Variants in TTC33 observed in about 807,000 individuals in gnomAD.
TTC33 encodes tetratricopeptide repeat domain 33.
TTC33 carries 24 observed loss-of-function variants against 29.4 expected under a neutral mutation model. The observed-to-expected ratio is 0.82, with a 90% confidence interval of 0.59 to 1.15. TTC33 has a LOEUF of 1.15. TTC33 is among the 50% of genes most tolerant of loss of function. TTC33 has a pLI of 0.00. For missense variants in TTC33, 286 were observed against 310.4 expected (o/e 0.92, Z 0.59); for synonymous variants, 107 against 100.3 (o/e 1.07, Z -0.40).
chr5:40,722,835 C>G (rs987240302), intron 4 of TTC33, among the ~76,000 whole-genome samples: 2 of 151,382 alleles, frequency 1.3e-5, no homozygotes, highest in African/African-American at 4.8e-5. Context: ...AGCCCCCACC[C>G]GGCCAGCTGC....
intron 1 of TTC33, among the ~76,000 whole-genome samples, chr5:40,747,336 G>A (rs1241264503): frequency 1.3e-5 from 2 of 152,136 alleles, no homozygotes. Context: ...GGGATTACAA[G>A]CATGAGCCAC....
intron 2 of TTC33, among the ~76,000 whole-genome samples, chr5:40,737,398 C>A (rs987316274): frequency 1.3e-5 from 2 of 151,944 alleles, no homozygotes; most frequent in South Asian, 4.2e-4. Context: ...AACCAAGACC[C>A]GAAAATACAT....
chr5:40,743,263 G>A (rs1196664329), intron 2 of TTC33, among the ~76,000 whole-genome samples: 3 of 152,164 alleles, frequency 2.0e-5, no homozygotes, highest in African/African-American at 7.2e-5. Flanking sequence ...ACAGGCAGCA[G>A]AAAACCAGAG....
At position 40,720,081 on chromosome 5, in the gene TTC33, G is replaced by C. The variant is rs114702027; in HGVS notation, c.436-3583C>G. ...TCTACTTTTTTCTTTTGTTGTTTGT[G>C]CTTCCAATGTCATATCTAAAAAATA... On this transcript the variant is annotated intron_variant, in intron 4 of 4. Transcript: ENST00000337702. 3.3e-3 allele frequency among the ~76,000 whole-genome samples: 507 copies of C among 152,164 alleles called. 5 individuals carry two copies. Among genetic ancestry groups the C allele is most frequent in the African/African-American group, 0.012 (488 of 41,494 alleles).
chr5:40,733,428 G>A (rs1742479938), intron 2 of TTC33, among the ~76,000 whole-genome samples: 1 of 152,112 alleles, frequency 6.6e-6, no homozygotes, highest in Non-Finnish European at 1.5e-5. Context: ...GCATTGCTGT[G>A]TCCCAGTAAA....
At chr5:40,728,509 G>A in intron 3 of TTC33, 33 bp from the exon 4 acceptor site, 1 of 1,555,506 alleles carries the variant, frequency 6.4e-7, no homozygotes, top group South Asian at 1.2e-5. Flanking sequence ...AAATCTGTCA[G>A]TAATATTCAT....
chr5:40,734,538 G>A (rs1232543676), intron 2 of TTC33, among the ~76,000 whole-genome samples: 1 of 152,194 alleles, frequency 6.6e-6, no homozygotes, highest in Non-Finnish European at 1.5e-5. Flanking sequence ...GCCCTATACT[G>A]AGGTAAAGAA....
Position 40,746,877 on chromosome 5 carries a change from T to C in TTC33, c.142A>G (p.Lys48Glu), listed in dbSNP as rs779665277. Residue 48 changes from lysine to glutamate, a missense_variant, in exon 2 of 5, where the codon AAA (lysine) becomes GAA (glutamate). Coordinates refer to ENST00000337702, the MANE Select transcript of TTC33 (RefSeq NM_012382.3). ...GNWLHAIKRR[K>E]EILLEGCAEK... ...GCACAGCCTTCAAGAAGAATTTCTT[T>C]CCTACGTTTAATGGCATGAAGCCAG... 6.2e-7 allele frequency: 1 copy of C among 1,614,184 alleles called. No homozygotes were observed. Among genetic ancestry groups the C allele is most frequent in the Non-Finnish European group, 8.5e-7 (1 of 1,180,036 alleles).
intron 4 of TTC33, among the ~76,000 whole-genome samples, chr5:40,726,579 G>C (rs1742293623): frequency 6.8e-6 from 1 of 146,664 alleles, no homozygotes; most frequent in African/African-American, 2.5e-5. Context: ...ATTCTTCTAA[G>C]AATTTCACAG....
chr5:40,740,939 T>A (rs577287026), intron 2 of TTC33, among the ~76,000 whole-genome samples: 1 of 152,360 alleles, frequency 6.6e-6, no homozygotes, highest in East Asian at 1.9e-4. Flanking sequence ...TTCCTTTTTT[T>A]AATATATCTT....
At chr5:40,753,090 C>T (rs745397633) in intron 1 of TTC33, among the ~76,000 whole-genome samples, 12 of 151,990 alleles carry the variant, frequency 7.9e-5, no homozygotes, top group South Asian at 2.1e-4. Context: ...ACAGGCTGGG[C>T]GCGGTGGCTC....
chr5:40,740,000 A>G (rs985113027), intron 2 of TTC33, among the ~76,000 whole-genome samples: 1 of 152,032 alleles, frequency 6.6e-6, no homozygotes, highest in African/African-American at 2.4e-5. Flanking sequence ...ATTGGCTTAT[A>G]AGCCTTTTAT....
chr5:40,751,145 C>A (rs533764545), intron 1 of TTC33, among the ~76,000 whole-genome samples: 1 of 152,212 alleles, frequency 6.6e-6, no homozygotes. Flanking sequence ...TCAGAAGAAT[C>A]ACTATCTATG....
At chr5:40,739,253 T>C (rs2111917336) in intron 2 of TTC33, among the ~76,000 whole-genome samples, 1 of 152,366 alleles carries the variant, frequency 6.6e-6, no homozygotes, top group East Asian at 1.9e-4. Context: ...CATTTCCACA[T>C]AAACTTTAGA....
intron 4 of TTC33, among the ~76,000 whole-genome samples, chr5:40,725,043 C>A (rs1308499692): frequency 6.6e-6 from 1 of 151,986 alleles, no homozygotes; most frequent in East Asian, 1.9e-4. Context: ...GACGACGTTT[C>A]ACCATGTTGG....
At chr5:40,737,271 G>T (rs1308903179) in intron 2 of TTC33, among the ~76,000 whole-genome samples, 2 of 151,218 alleles carry the variant, frequency 1.3e-5, no homozygotes, top group African/African-American at 4.9e-5. Context: ...CACTCCAGCC[G>T]CCTGGGCAAC....
At position 40,755,587 on chromosome 5, in the gene TTC33, C is replaced by G. The variant is rs1225541149; in HGVS notation, c.-2+237G>C. 6.6e-5 allele frequency among the ~76,000 whole-genome samples: 10 copies of G among 152,336 alleles called. No homozygotes were observed. In the East Asian group the frequency reaches 1.7e-3, roughly 26 times the overall value. ...CCACGGCGGGCCCGACCCTCAGACTCGCTTGTCCCTGGAGACCAACCCTAG... is the reference window on the plus strand; with the variant it reads ...CCACGGCGGGCCCGACCCTCAGACTGGCTTGTCCCTGGAGACCAACCCTAG... On this transcript the variant is annotated intron_variant, in intron 1 of 4. Transcript: ENST00000337702.
chr5:40,731,141 T>C (rs957361474), intron 2 of TTC33, among the ~76,000 whole-genome samples: 1 of 152,194 alleles, frequency 6.6e-6, no homozygotes, highest in Admixed American at 6.5e-5. Context: ...TATTCCTTCA[T>C]AACAATCCTT....
chr5:40,730,547 T>C (rs1233623910), intron 2 of TTC33, among the ~76,000 whole-genome samples: 1 of 152,142 alleles, frequency 6.6e-6, no homozygotes, highest in African/African-American at 2.4e-5. Context: ...CCAGAACTTT[T>C]TCATCTTCCC....
Sources: allele counts gnomAD v4.1 joint callset (sites outside exome capture counted in the v4.1 genomes callset), GRCh38; gene constraint gnomAD v4.1.1; transcripts MANE v1.5; gene names NCBI Gene and HGNC (gene_info 2026-07-23, HGNC 2026-07-21).